The following EPRS1 variants were observed in gnomAD, a reference collection of about 807,000 sequenced individuals.
EPRS1 encodes the protein glutamyl-prolyl-tRNA synthetase 1, also known as bifunctional glutamate/proline--tRNA ligase.
EPRS1 carries 107 observed loss-of-function variants against 188.3 expected under a neutral mutation model. The ratio of observed to expected loss-of-function variants is 0.57; its 90% CI spans 0.49 to 0.67. EPRS1 has a LOEUF of 0.67. EPRS1 is among the 30% of genes least tolerant of loss of function. The pLI, the probability that EPRS1 is intolerant of heterozygous loss-of-function variation, is 0.00. For missense variants in EPRS1, 1,577 were observed against 1,802.2 expected (o/e 0.88, Z 2.26); for synonymous variants, 596 against 593.1 (o/e 1.00, Z -0.07).
chr1:219,972,540 C>T lies in EPRS1; in HGVS notation c.4245-393G>A, dbSNP rs557494093. 1.2e-4 allele frequency among the ~76,000 whole-genome samples: 19 copies of T among 152,124 alleles called. No homozygotes were observed. The South Asian group carries it at 1.7e-3, about 13-fold the overall frequency. On this transcript the variant is annotated intron_variant, in intron 29 of 31. Transcript: ENST00000366923. ...ATATCTTTTATCAATATATAAGTGC[C>T]CTTATATAAGATGCAGGCATTACCC...
At chr1:219,981,330 AAAAAG>A in intron 24 of EPRS1, 43 bp downstream of exon 24, 1 of 1,327,330 alleles carries the variant, frequency 7.5e-7, no homozygotes, top group South Asian at 1.4e-5. Context: ...AAAAAAAAAA[AAAAAG>A]AACATGAATA....
chr1:219,978,664 G>C lies in EPRS1; in HGVS notation c.3965C>G (p.Ala1322Gly), dbSNP rs562342142. Residue 1322 changes from alanine to glycine, a missense_variant, in exon 28 of 32, where the codon GCG becomes GGG. Physicochemically the swap from Ala to Gly is moderately conservative, Grantham distance 60. This residue lies in a region of EPRS1 where 296 missense variants were observed against 327.9 expected (regional missense o/e 0.90). Transcript: ENST00000366923. ...ATAATCATTGCATTTTGCAATCAGC[G>C]CTTCTTTGTCTTCTTCAGAAAGTGC... ...TNALSEEDKE[A>G]LIAKCNDYRR... The C allele has an allele frequency of 2.5e-6, 4 of 1,611,956 alleles. No homozygotes were observed. Among genetic ancestry groups the C allele is most frequent in the African/African-American group, 1.3e-5 (1 of 74,878 alleles).
rs762439343 is a variant in EPRS1, at chr1:219,981,449, G to T, written c.3382C>A (p.Pro1128Thr). Residue 1128 changes from proline (P) to threonine (T), a missense_variant, in exon 24 of 32, where the codon CCT (proline) becomes ACT (threonine). By Grantham distance (38) the Pro-to-Thr change is conservative. Coordinates refer to ENST00000366923, the MANE Select transcript of EPRS1 (RefSeq NM_004446.3). ...IRPTSETVMY[P>T]AYAKWVQSHR... Reference sequence around the variant, plus strand: ...GACTGTACCCATTTTGCATATGCAGGATACATTACTGAAAGACACGGGAAA... The same window carrying T: ...GACTGTACCCATTTTGCATATGCAGTATACATTACTGAAAGACACGGGAAA... 6 of 1,592,438 alleles carry T rather than the reference G, an allele frequency of 3.8e-6. No individual in the cohort carries two copies. The highest frequency in any genetic ancestry group is 8.6e-7 in the Non-Finnish European group (1 of 1,167,414).
intron 29 of EPRS1, 98 bp from the exon 30 acceptor site, chr1:219,972,245 G>T: frequency 1.5e-6 from 1 of 656,826 alleles, no homozygotes; most frequent in Non-Finnish European, 2.6e-6. Flanking sequence ...AGACAACCTG[G>T]GAGTGAGAAG....
chr1:219,999,897 A>G (rs1467551224), intron 17 of EPRS1, among the ~76,000 whole-genome samples: 1 of 152,158 alleles, frequency 6.6e-6, no homozygotes, highest in Non-Finnish European at 1.5e-5. Context: ...AATCGCTTGA[A>G]GCCAGGAGGT....
chr1:220,026,516 T>C (rs1294671151), intron 6 of EPRS1, among the ~76,000 whole-genome samples: 1 of 152,002 alleles, frequency 6.6e-6, no homozygotes, highest in Non-Finnish European at 1.5e-5. Flanking sequence ...GTACAGTTTT[T>C]TTTGTTGTTG....
chr1:220,039,967 C>CA (rs1427401882), intron 2 of EPRS1, among the ~76,000 whole-genome samples: 9 of 152,088 alleles, frequency 5.9e-5, no homozygotes, highest in East Asian at 1.9e-4. Flanking sequence ...CCCATCTCTA[C>CA]AAAAAACATT....
chr1:219,996,842 T>C, intron 18 of EPRS1, 141 bp downstream of exon 18: 2 of 929,590 alleles, frequency 2.2e-6, no homozygotes, highest in Non-Finnish European at 1.6e-6. Flanking sequence ...TTTCAGAGCT[T>C]GGCACATAGC....
chr1:219,976,678 A>C (rs1285778691), intron 28 of EPRS1, among the ~76,000 whole-genome samples: 1 of 152,198 alleles, frequency 6.6e-6, no homozygotes, highest in Non-Finnish European at 1.5e-5. Context: ...GGTAGAAGAA[A>C]TAGCACAAGT....
chr1:220,032,005 T>G (rs1440742775), intron 5 of EPRS1, among the ~76,000 whole-genome samples: 2 of 152,024 alleles, frequency 1.3e-5, no homozygotes, highest in African/African-American at 4.8e-5. Flanking sequence ...TTTAAATTTA[T>G]TAAAAGAAAA....
At position 219,982,801 on chromosome 1, in the gene EPRS1, G is replaced by C. The variant is rs1288116010; in HGVS notation, c.3344C>G (p.Pro1115Arg). Residue 1115 changes from proline (P) to arginine (R), a missense_variant, in exon 23 of 32, where the codon CCA (proline) becomes CGA (arginine). Coordinates refer to ENST00000366923, the MANE Select transcript of EPRS1 (RefSeq NM_004446.3). ...TRSGKTELAE[P>R]IAIRPTSETV... ...TTCACTAGTAGGACGAATGGCAATTGGTTCTGCCAGCTCGGTTTTGCCAGA... is the reference window on the plus strand; with the variant it reads ...TTCACTAGTAGGACGAATGGCAATTCGTTCTGCCAGCTCGGTTTTGCCAGA... 9 of 1,613,892 alleles carry C rather than the reference G, an allele frequency of 5.6e-6. No individual in the cohort carries two copies. Among genetic ancestry groups the C allele is most frequent in the Non-Finnish European group, 7.6e-6 (9 of 1,179,932 alleles).
intron 13 of EPRS1, among the ~76,000 whole-genome samples, chr1:220,008,536 T>C (rs1027281069): frequency 6.6e-6 from 1 of 152,096 alleles, no homozygotes; most frequent in African/African-American, 2.4e-5. Flanking sequence ...AAGCTCAGAA[T>C]AGAATACTGA....
chr1:220,032,454 A>G lies in EPRS1; in HGVS notation c.461T>C (p.Leu154Pro). 1 of 1,613,886 alleles carries G rather than the reference A, an allele frequency of 6.2e-7. No homozygotes were observed. Among genetic ancestry groups the G allele is most frequent in the South Asian group, 1.1e-5 (1 of 91,054 alleles). ...TGACTGGAAGGCCTGCTGGGCTTCA[A>G]GAAAGCCAAACCAACGTTTTACATG... ...PVHVKRWFGF[L>P]EAQQAFQSVG... Residue 154 changes from leucine to proline, a missense_variant, in exon 5 of 32, where the codon CTT (leucine) becomes CCT (proline). By Grantham distance (98) the Leu-to-Pro change is moderately conservative. Transcript: ENST00000366923.
At chr1:220,000,564 C>T (rs557769673) in intron 17 of EPRS1, among the ~76,000 whole-genome samples, 74 of 152,138 alleles carry the variant, frequency 4.9e-4, no homozygotes, top group African/African-American at 1.6e-3. Flanking sequence ...AAAAACTTTT[C>T]GTATGTTAAC....
At chr1:220,045,166 G>T (rs1180607817) in intron 1 of EPRS1, among the ~76,000 whole-genome samples, 1 of 152,158 alleles carries the variant, frequency 6.6e-6, no homozygotes, top group African/African-American at 2.4e-5. Flanking sequence ...TTCAACATTA[G>T]AAAGTACTGT....
At chr1:220,015,496 C>A (rs7537058) in intron 12 of EPRS1, among the ~76,000 whole-genome samples, 122,184 of 151,644 alleles carry the variant, frequency 0.81, 49,280 homozygotes, top group East Asian at 0.93. Flanking sequence ...AGAGAAAAGA[C>A]AAGACAAGAG....
chr1:220,017,994 T>C (rs974944624), intron 12 of EPRS1: 6 of 436,594 alleles, frequency 1.4e-5, no homozygotes, highest in African/African-American at 1.2e-4. Flanking sequence ...GAATAATGCA[T>C]TTTCAATGCG....
intron 16 of EPRS1, among the ~76,000 whole-genome samples, chr1:220,003,490 G>A (rs768343862): frequency 2.5e-4 from 38 of 152,126 alleles, no homozygotes; most frequent in Non-Finnish European, 4.7e-4. Context: ...AGGTTACAAA[G>A]ATTTACATTC....
chr1:220,002,337 G>GAA (rs59489422), intron 16 of EPRS1, among the ~76,000 whole-genome samples: 68 of 145,232 alleles, frequency 4.7e-4, no homozygotes, highest in African/African-American at 7.9e-4. Flanking sequence ...TGCCTCAATG[G>GAA]AAAAAAAAAA....
Sources: allele counts gnomAD v4.1 joint callset (sites outside exome capture counted in the v4.1 genomes callset), GRCh38; gene constraint gnomAD v4.1.1; regional missense constraint gnomAD v4.1.1; transcripts MANE v1.5; gene names NCBI Gene and HGNC (gene_info 2026-07-23, HGNC 2026-07-21).